Variants in ORC1 observed in about 807,000 individuals in gnomAD.
ORC1 encodes origin recognition complex subunit 1.
Under a neutral mutation model 98.9 loss-of-function variants are expected in ORC1, and 61 were observed. That is an observed-to-expected ratio of 0.62 (90% confidence interval 0.50 to 0.76). The LOEUF (loss-of-function observed/expected upper bound fraction) is 0.76. Ranked by LOEUF, ORC1 falls within the 30% of genes least tolerant of loss-of-function variation. The probability of loss-of-function intolerance (pLI) is 0.00; values close to 1 mark genes in which losing one functional copy is unlikely to be tolerated. For synonymous variants in ORC1, 385 were observed against 406.9 expected (o/e 0.95, Z 0.65); for missense variants, 979 against 1,072.2 (o/e 0.91, Z 1.21).
chr1:52,381,582 AC>A, intron 14 of ORC1, 59 bp downstream of exon 14: 1 of 1,592,342 alleles, frequency 6.3e-7, no homozygotes, highest in Non-Finnish European at 8.6e-7. Flanking sequence ...AGGGCCTCAT[AC>A]CCAGCAGGTA....
At chr1:52,395,940 A>G in intron 5 of ORC1, 106 bp downstream of exon 5, 2 of 1,539,522 alleles carry the variant, frequency 1.3e-6, no homozygotes, top group Non-Finnish European at 1.8e-6. Context: ...GTTCCAGGCT[A>G]TAGTGCACTG....
chr1:52,408,548 T>C (rs776322134), upstream of ORC1: 4 of 1,613,894 alleles, frequency 2.5e-6, no homozygotes, highest in African/African-American at 2.7e-5. Flanking sequence ...GCCTGTTGTT[T>C]CACTGTCATC....
chr1:52,376,422 GGA>G (rs1646995960), intron 14 of ORC1, among the ~76,000 whole-genome samples: 2 of 152,078 alleles, frequency 1.3e-5, no homozygotes, highest in South Asian at 4.2e-4. Context: ...GGCTGAGGCA[GGA>G]GAGTCACTTG....
chr1:52,404,675 C>T (rs1341718980), upstream of ORC1: 4 of 1,520,748 alleles, frequency 2.6e-6, no homozygotes, highest in Non-Finnish European at 3.6e-6. Context: ...TTCTCCATTC[C>T]TCTAGGTGCT....
intron 6 of ORC1, among the ~76,000 whole-genome samples, chr1:52,391,691 G>A (rs1647214680): frequency 6.6e-6 from 1 of 152,152 alleles, no homozygotes; most frequent in African/African-American, 2.4e-5. Flanking sequence ...TTGAGATCAG[G>A]AGTTCGAGAC....
chr1:52,402,901 T>TA (rs547659859), intron 1 of ORC1, among the ~76,000 whole-genome samples: 6 of 151,846 alleles, frequency 4.0e-5, no homozygotes, highest in Admixed American at 3.3e-4. Flanking sequence ...TGTCTCAAAA[T>TA]AAAAAAAAGA....
chr1:52,385,103 C>T (rs1647125319), intron 10 of ORC1, 58 bp downstream of exon 10: 1 of 1,039,028 alleles, frequency 9.6e-7, no homozygotes, highest in Non-Finnish European at 1.5e-6. Flanking sequence ...ACACCCAAGG[C>T]ATTCCACTAG....
intron 7 of ORC1, among the ~76,000 whole-genome samples, chr1:52,388,902 C>T (rs949018882): frequency 6.6e-6 from 1 of 152,132 alleles, no homozygotes; most frequent in Non-Finnish European, 1.5e-5. Context: ...CAAGGTTACA[C>T]AGATGGTAAA....
At chr1:52,393,888 A>AATTCCT in intron 5 of ORC1, 85 bp from the exon 6 acceptor site, 5 of 1,394,876 alleles carry the variant, frequency 3.6e-6, no homozygotes, top group Non-Finnish European at 5.0e-6. Context: ...TCAGCCACTG[A>AATTCCT]GTTATATGTA....
In ORC1 at chr1:52,397,682, T is replaced by C; in HGVS notation, c.402+3A>G. 1 of 1,614,038 alleles carries C rather than the reference T, an allele frequency of 6.2e-7. No homozygotes were observed. Among genetic ancestry groups the C allele is most frequent in the Non-Finnish European group, 8.5e-7 (1 of 1,179,874 alleles). ...TAGAACCAAGGATGGTGGCATCACC[T>C]ACCCGAACAAGGCCAATGATGGTCT... On this transcript the variant is annotated splice_donor_region_variant and intron_variant, in intron 4 of 16. Coordinates refer to ENST00000371568, the MANE Select transcript of ORC1 (RefSeq NM_004153.4).
upstream of ORC1, among the ~76,000 whole-genome samples, chr1:52,407,295 C>G (rs1337551747): frequency 2.0e-5 from 3 of 152,142 alleles, no homozygotes; most frequent in Non-Finnish European, 4.4e-5. Flanking sequence ...GGATTAGAGG[C>G]GTGAGCCACC....
At chr1:52,392,486 A>C (rs1647236204) in intron 6 of ORC1, among the ~76,000 whole-genome samples, 1 of 152,182 alleles carries the variant, frequency 6.6e-6, no homozygotes, top group South Asian at 2.1e-4. Context: ...ACCACTATAG[A>C]AAACAGTGTG....
intron 10 of ORC1, 59 bp downstream of exon 10, chr1:52,385,102 G>T: frequency 9.7e-7 from 1 of 1,031,246 alleles, no homozygotes; most frequent in East Asian, 2.4e-5. Context: ...AACACCCAAG[G>T]CATTCCACTA....
chr1:52,408,417 CTT>C, upstream of ORC1: 2 of 1,010,262 alleles, frequency 2.0e-6, no homozygotes, highest in Non-Finnish European at 3.1e-6. Flanking sequence ...TTTTAGCTGT[CTT>C]TCTTCTGCTG....
intron 3 of ORC1, among the ~76,000 whole-genome samples, 154 bp downstream of exon 3, chr1:52,401,208 T>G (rs894444219): frequency 6.6e-6 from 1 of 152,174 alleles, no homozygotes; most frequent in African/African-American, 2.4e-5. Context: ...AGTAAAGAAA[T>G]TTTTTAGATG....
intron 16 of ORC1, 141 bp downstream of exon 16, chr1:52,374,669 A>G: frequency 2.8e-6 from 2 of 705,220 alleles, no homozygotes; most frequent in Non-Finnish European, 5.2e-6. Context: ...AAAATGTCAC[A>G]TTAAAATAGG....
chr1:52,383,360 A>C, intron 13 of ORC1, 60 bp downstream of exon 13: 1 of 1,605,482 alleles, frequency 6.2e-7, no homozygotes, highest in Admixed American at 1.7e-5. Flanking sequence ...ATTTTTGCAG[A>C]ACTTCTTGGC....
At chr1:52,404,730 AG>A (rs1647920710), upstream of ORC1, 1 of 1,610,048 alleles carries the variant, frequency 6.2e-7, no homozygotes. Flanking sequence ...CGACGGAAAT[AG>A]AATTGAAGGC....
At chr1:52,408,541 T>A (rs1205561076), upstream of ORC1, 1 of 1,613,828 alleles carries the variant, frequency 6.2e-7, no homozygotes, top group Non-Finnish European at 8.5e-7. Flanking sequence ...TAGGATGGCC[T>A]GTTGTTTCAC....
Sources: allele counts gnomAD v4.1 joint callset (sites outside exome capture counted in the v4.1 genomes callset), GRCh38; gene constraint gnomAD v4.1.1; transcripts MANE v1.5; gene names NCBI Gene and HGNC (gene_info 2026-07-23, HGNC 2026-07-21).